FRMD6: variants seen among roughly 807,000 people sequenced by gnomAD.
FRMD6 encodes the protein FERM domain-containing protein 6.
FRMD6 carries 37 observed loss-of-function variants against 73.2 expected under a neutral mutation model. The observed-to-expected ratio is 0.51, with a 90% CI of 0.39 to 0.66. The LOEUF (loss-of-function observed/expected upper bound fraction) is 0.66, where lower values mean the gene tolerates loss of function less well. Ranked by LOEUF, FRMD6 falls within the 30% of genes least tolerant of loss-of-function variation. FRMD6 has a pLI of 0.00. For synonymous variants in FRMD6, 273 were observed against 282.2 expected (o/e 0.97, Z 0.33); for missense variants, 714 against 780.5 (o/e 0.91, Z 1.02).
At chr14:51,437,296 T>A in the FRMD6 span, among the ~76,000 whole-genome samples, 1 of 152,214 alleles carries the variant, frequency 6.6e-6, no homozygotes, top group Non-Finnish European at 1.5e-5. Flanking sequence ...TCATCCATGT[T>A]CCTGCAAAGA....
the FRMD6 span, among the ~76,000 whole-genome samples, chr14:51,429,738 T>TC: frequency 6.6e-6 from 1 of 152,214 alleles, no homozygotes; most frequent in African/African-American, 2.4e-5. Flanking sequence ...ATGTATATTT[T>TC]CCCCATCTTA....
At chr14:51,464,944 C>A in the FRMD6 span, among the ~76,000 whole-genome samples, 1 of 152,150 alleles carries the variant, frequency 6.6e-6, no homozygotes, top group African/African-American at 2.4e-5. Flanking sequence ...AACTGGATCT[C>A]TGCTAGATCA....
chr14:51,636,216 G>C (rs751678458), intron 2 of FRMD6, among the ~76,000 whole-genome samples: 63 of 152,326 alleles, frequency 4.1e-4, no homozygotes, highest in Non-Finnish European at 6.9e-4. Context: ...ATTCAGATGG[G>C]ATGTGAAGGA....
chr14:51,613,493 C>T (rs921387354), intron 2 of FRMD6, among the ~76,000 whole-genome samples: 4 of 151,972 alleles, frequency 2.6e-5, no homozygotes, highest in Non-Finnish European at 4.4e-5. Flanking sequence ...CTTCTAAATC[C>T]GGAGGGAGAG....
chr14:51,649,185 G>A (rs1037568733), upstream of FRMD6, among the ~76,000 whole-genome samples: 1 of 152,022 alleles, frequency 6.6e-6, no homozygotes, highest in Non-Finnish European at 1.5e-5. Flanking sequence ...ATTTGATGAT[G>A]TTACAGGAGT....
chr14:51,592,122 A>C (rs1889434272), intron 2 of FRMD6, among the ~76,000 whole-genome samples: 1 of 152,202 alleles, frequency 6.6e-6, no homozygotes, highest in African/African-American at 2.4e-5. Context: ...TCTTTTCTGA[A>C]ATTTTCATAT....
At chr14:51,414,178 T>C in the FRMD6 span, among the ~76,000 whole-genome samples, 1 of 152,242 alleles carries the variant, frequency 6.6e-6, no homozygotes, top group Admixed American at 6.5e-5. Flanking sequence ...TTTGTCTATT[T>C]TGGCTTTTGT....
intron 1 of FRMD6, among the ~76,000 whole-genome samples, chr14:51,656,525 T>C (rs1229183337): frequency 6.6e-6 from 1 of 151,996 alleles, no homozygotes; most frequent in Non-Finnish European, 1.5e-5. Context: ...ATGATTCTCC[T>C]GCCTCAGCCT....
the FRMD6 span, among the ~76,000 whole-genome samples, chr14:51,464,169 T>A: frequency 6.6e-6 from 1 of 152,248 alleles, no homozygotes; most frequent in South Asian, 2.1e-4. Context: ...AAAACTCAAC[T>A]CTAAAGATAG....
intron 2 of FRMD6, among the ~76,000 whole-genome samples, chr14:51,601,939 C>T (rs1351936462): frequency 6.6e-6 from 1 of 152,200 alleles, no homozygotes; most frequent in African/African-American, 2.4e-5. Flanking sequence ...AGATTGTAAG[C>T]ACCAGTAGAT....
chr14:51,703,008 A>T (rs908106625), intron 5 of FRMD6, among the ~76,000 whole-genome samples: 2 of 151,730 alleles, frequency 1.3e-5, no homozygotes, highest in East Asian at 3.9e-4. Context: ...AGAGGCAGGA[A>T]CTCTCCTATA....
the FRMD6 span, among the ~76,000 whole-genome samples, chr14:51,419,307 C>G: frequency 1.3e-5 from 2 of 152,168 alleles, no homozygotes; most frequent in Non-Finnish European, 2.9e-5. Flanking sequence ...ATTTGGCCAT[C>G]TTGGACTAAT....
chr14:51,648,277 C>A (rs1892169764), upstream of FRMD6, among the ~76,000 whole-genome samples: 1 of 152,152 alleles, frequency 6.6e-6, no homozygotes, highest in South Asian at 2.1e-4. Context: ...TTACTGTGTT[C>A]TTTACACCAA....
At chr14:51,556,523 A>C (rs1415505829) in intron 1 of FRMD6, among the ~76,000 whole-genome samples, 4 of 152,126 alleles carry the variant, frequency 2.6e-5, no homozygotes, top group African/African-American at 9.7e-5. Flanking sequence ...AGGCTCAGTC[A>C]AGTTTGTCTT....
intron 1 of FRMD6, among the ~76,000 whole-genome samples, chr14:51,539,285 C>G (rs1218811546): frequency 6.6e-6 from 1 of 151,630 alleles, no homozygotes; most frequent in Admixed American, 6.6e-5. Flanking sequence ...CCACCTCAGT[C>G]CATGTCTGTC....
intron 7 of FRMD6, among the ~76,000 whole-genome samples, chr14:51,709,243 C>G (rs1004430684): frequency 2.6e-5 from 4 of 151,994 alleles, no homozygotes; most frequent in Non-Finnish European, 5.9e-5. Context: ...AGGCAAGTTA[C>G]TTACTTAACC....
chr14:51,525,372 G>A (rs1484379230), intron 1 of FRMD6, among the ~76,000 whole-genome samples: 3 of 151,948 alleles, frequency 2.0e-5, no homozygotes, highest in Non-Finnish European at 4.4e-5. Context: ...GGGTTCAAGC[G>A]ATTCCCCTGC....
intron 1 of FRMD6, among the ~76,000 whole-genome samples, chr14:51,665,355 T>C (rs1893504816): frequency 6.6e-6 from 1 of 152,174 alleles, no homozygotes; most frequent in Non-Finnish European, 1.5e-5. Flanking sequence ...CTTCACTTCT[T>C]TGCTCCTGCC....
intron 2 of FRMD6, among the ~76,000 whole-genome samples, chr14:51,593,143 G>A (rs892597756): frequency 9.9e-5 from 15 of 152,118 alleles, no homozygotes; most frequent in Non-Finnish European, 1.6e-4. Flanking sequence ...CAGGGTCCTC[G>A]GTGTAACTGA....
Sources: allele counts gnomAD v4.1 joint callset (sites outside exome capture counted in the v4.1 genomes callset), GRCh38; gene constraint gnomAD v4.1.1; transcripts MANE v1.5; gene names NCBI Gene and HGNC (gene_info 2026-07-23, HGNC 2026-07-21).